The following SEC14L5 variants were observed in gnomAD, a reference collection of about 807,000 sequenced individuals.
SEC14L5 encodes SEC14 like lipid binding 5.
In SEC14L5, 96 loss-of-function variants were observed where a neutral mutation model predicts 84.6. The ratio of observed to expected loss-of-function variants is 1.13; its 90% CI spans 0.96 to 1.34. SEC14L5 has a LOEUF of 1.34. Ranked by LOEUF, SEC14L5 falls within the 40% of genes most tolerant of loss-of-function variation. The pLI, the probability that SEC14L5 is intolerant of heterozygous loss-of-function variation, is 0.00. For synonymous variants in SEC14L5, 546 were observed against 383.4 expected (o/e 1.42, Z -4.95); for missense variants, 1,224 against 942.5 (o/e 1.30, Z -3.91).
intron 2 of SEC14L5, among the ~76,000 whole-genome samples, chr16:4,964,162 T>C (rs1166522600): frequency 6.6e-6 from 1 of 152,138 alleles, no homozygotes; most frequent in Non-Finnish European, 1.5e-5. Context: ...GGGGTGGTGG[T>C]GTCTTTGTGG....
intron 2 of SEC14L5, among the ~76,000 whole-genome samples, chr16:4,980,023 G>A (rs926726973): frequency 1.3e-5 from 2 of 152,182 alleles, no homozygotes; most frequent in African/African-American, 4.8e-5. Flanking sequence ...CAGGGTTGTC[G>A]TCTGGGTCAG....
In SEC14L5 at chr16:5,014,794, TG is replaced by T. The variant is rs1248846959; in HGVS notation, c.1980-64del. The T allele has an allele frequency of 3.3e-5, 42 of 1,265,600 alleles. No individual in the cohort carries two copies. In the Admixed American group the frequency reaches 6.3e-4, roughly 19 times the overall value. 78.4% of individuals were successfully genotyped at this position (1,265,600 alleles called of 1,614,324 possible). Reference sequence around the variant, plus strand: ...GCAGCATCAACAGCTTTTCCACTGCTGTGTGTCAGCCCAAGGGCCTTGTCAC... The same window carrying T: ...GCAGCATCAACAGCTTTTCCACTGCTTGTGTCAGCCCAAGGGCCTTGTCAC... On this transcript the variant is annotated intron_variant, in intron 15 of 15. Coordinates refer to ENST00000251170, the MANE Select transcript of SEC14L5 (RefSeq NM_014692.2).
intron 2 of SEC14L5, among the ~76,000 whole-genome samples, chr16:4,973,282 C>G (rs1955301613): frequency 6.6e-6 from 1 of 152,320 alleles, no homozygotes; most frequent in Non-Finnish European, 1.5e-5. Context: ...TGTTCTGACC[C>G]TGTGTCTCCA....
rs746192269 is a variant in SEC14L5, at chr16:4,991,979, C to G, written c.616C>G (p.His206Asp). The part of the protein sequence containing the change: ...GPRDPSSLEA[H>D]GPRSTLGPAL... ...GAGGGACCCCAGCTCCCTGGAGGCC[C>G]ACGGGCCCCGTAGCACCCTGGGGCC... Residue 206 changes from histidine (H) to aspartate (D), a missense_variant, in exon 6 of 16, where the codon CAC becomes GAC. By Grantham distance (81) the His-to-Asp change is moderately conservative. Coordinates refer to ENST00000251170, the MANE Select transcript of SEC14L5 (RefSeq NM_014692.2). The G allele has an allele frequency of 2.4e-5, 38 of 1,587,994 alleles. No individual in the cohort carries two copies. In the Admixed American group the frequency reaches 6.3e-4, roughly 26 times the overall value.
At position 5,003,994 on chromosome 16, in the gene SEC14L5, A is replaced by ACCCACG. The variant is rs1032681240; in HGVS notation, c.1302+427_1302+432dup. 6.6e-5 allele frequency among the ~76,000 whole-genome samples: 10 copies of ACCCACG among 152,276 alleles called. No homozygotes were observed. The South Asian group carries it at 1.7e-3, about 25-fold the overall frequency. On this transcript the variant is annotated intron_variant, in intron 11 of 15. Transcript: ENST00000251170. Reference sequence around the variant, plus strand: ...TGCACCCATGTGCGCGCACACATACACCCACGCCCACACACACACTCCTCT... The same window carrying ACCCACG: ...TGCACCCATGTGCGCGCACACATACACCCACGCCCACGCCCACACACACACTCCTCT...
intron 2 of SEC14L5, among the ~76,000 whole-genome samples, chr16:4,964,415 C>T (rs928289346): frequency 2.6e-5 from 4 of 152,150 alleles, no homozygotes; most frequent in African/African-American, 4.8e-5. Flanking sequence ...GGAGAAACCC[C>T]GTCTTCCCTA....
chr16:4,981,993 C>T (rs1012428958), intron 2 of SEC14L5, among the ~76,000 whole-genome samples: 1 of 152,188 alleles, frequency 6.6e-6, no homozygotes, highest in Non-Finnish European at 1.5e-5. Context: ...TCCTTGCCAG[C>T]TCGCTGAGTC....
rs181595718 is a variant in SEC14L5 at position 5,017,330 on chromosome 16, T to C, written c.*2360T>C. On this transcript the variant is annotated 3_prime_UTR_variant, in exon 16 of 16. Transcript: ENST00000251170. ...TAAGCAACAAAGCAAATTCCCTGGG[T>C]CCTGTACTAGGGATGGCTGAAGGTG... 3.6e-3 allele frequency: 551 copies of C among 152,424 alleles called. 3 individuals carry two copies. In the Middle Eastern group the frequency reaches 0.041, roughly 11 times the overall value. The allele number at this position is 152,424 out of a possible 1,614,324, so 9.4% of individuals were successfully genotyped here.
At chr16:5,014,804 C>G in intron 15 of SEC14L5, 55 bp from the exon 16 acceptor site, 1 of 1,397,614 alleles carries the variant, frequency 7.2e-7, no homozygotes. Flanking sequence ...TGTGTGTCAG[C>G]CCAAGGGCCT....
At chr16:4,997,375 C>T (rs145879390) in intron 8 of SEC14L5, among the ~76,000 whole-genome samples, 181 of 152,346 alleles carry the variant, frequency 1.2e-3, no homozygotes, top group African/African-American at 4.1e-3. Flanking sequence ...GTTGGGATTA[C>T]AGGCATGAGC....
At chr16:4,969,880 C>A (rs995152901) in intron 2 of SEC14L5, among the ~76,000 whole-genome samples, 3 of 150,796 alleles carry the variant, frequency 2.0e-5, no homozygotes, top group Admixed American at 6.6e-5. Context: ...TGCAGCGGCA[C>A]GATCACAGCT....
intron 2 of SEC14L5, among the ~76,000 whole-genome samples, chr16:4,974,455 C>T (rs1231782934): frequency 6.6e-6 from 1 of 151,674 alleles, no homozygotes; most frequent in Admixed American, 6.6e-5. Context: ...TCTCCGACCT[C>T]GACCTCCCAA....
Position 5,008,435 on chromosome 16 carries a change from C to G in SEC14L5, c.1587C>G (p.Ile529Met). The G allele has an allele frequency of 6.2e-7, 1 of 1,612,780 alleles. No homozygotes were observed. The highest frequency in any genetic ancestry group is 2.2e-5 in the East Asian group (1 of 44,844). ...TCTCCACACAGGTGGCCGTGGAGAT[C>G]CTGGAAGGAGAGTCGGTCATCACCT... ...RGAPHEVAVEILEGESVITWD... is the reference protein window; with the variant it reads ...RGAPHEVAVEMLEGESVITWD... Residue 529 changes from isoleucine (I) to methionine (M), a missense_variant, in exon 14 of 16, where the codon ATC (isoleucine) becomes ATG (methionine). Ile to Met is a conservative substitution (Grantham distance 10). Transcript: ENST00000251170.
intron 2 of SEC14L5, 118 bp downstream of exon 2, chr16:4,959,504 C>G (rs185360330): frequency 2.4e-6 from 2 of 845,446 alleles, no homozygotes; most frequent in East Asian, 2.6e-5. Flanking sequence ...TAGTGAGTTA[C>G]TCAGCTGACC....
intron 5 of SEC14L5, among the ~76,000 whole-genome samples, chr16:4,991,261 C>T (rs1596630481): frequency 7.1e-6 from 1 of 141,536 alleles, no homozygotes; most frequent in Admixed American, 7.7e-5. Flanking sequence ...TGTGATGAAA[C>T]AGATGAAATT....
chr16:4,981,254 G>GTT (rs1172326630), intron 2 of SEC14L5, among the ~76,000 whole-genome samples: 1 of 110,556 alleles, frequency 9.0e-6, no homozygotes, highest in Non-Finnish European at 1.8e-5. Flanking sequence ...CTAGCTAATT[G>GTT]GTTTTTTTTT....
chr16:4,980,514 T>A (rs943049624), intron 2 of SEC14L5, among the ~76,000 whole-genome samples: 1 of 152,150 alleles, frequency 6.6e-6, no homozygotes, highest in Non-Finnish European at 1.5e-5. Context: ...TGTGGCTTTA[T>A]CCCCTCCCTG....
rs756183716 is a variant in SEC14L5, at chr16:4,959,429, G to C, written c.63+43G>C. On this transcript the variant is annotated intron_variant, in intron 2 of 15. Coordinates refer to ENST00000251170, the MANE Select transcript of SEC14L5 (RefSeq NM_014692.2). ...CTTGGGCCCCCATGTGACAGTTGGA[G>C]GGGCTTGAGATCAGCTATGGCGGTA... 1.8e-5 allele frequency: 28 copies of C among 1,556,662 alleles called. 1 individual carries two copies. The highest frequency in any genetic ancestry group is 8.9e-7 in the Non-Finnish European group (1 of 1,127,432).
At chr16:5,008,384 C>A (rs779711540) in intron 13 of SEC14L5, 37 bp from the exon 14 acceptor site, 11 of 1,486,446 alleles carry the variant, frequency 7.4e-6, no homozygotes, top group African/African-American at 1.4e-5. Flanking sequence ...TCTACTCTCT[C>A]GGCCGTGACT....
Sources: gnomAD v4.1 joint callset for allele counts (sites outside exome capture counted in the v4.1 genomes callset) on GRCh38, gnomAD v4.1.1 for gene constraint, MANE v1.5 for transcripts, NCBI Gene and HGNC (gene_info 2026-07-23, HGNC 2026-07-21) for gene names.